The following GPBP1L1 variants were observed in gnomAD, a reference collection of about 807,000 sequenced individuals.
GPBP1L1 encodes the protein vasculin-like protein 1.
GPBP1L1 carries 23 observed loss-of-function variants against 52.5 expected under a neutral mutation model. The ratio of observed to expected loss-of-function variants is 0.44; its 90% CI spans 0.32 to 0.62. GPBP1L1 has a LOEUF of 0.62. Among genes scored for constraint, GPBP1L1 ranks in the 20% least tolerant of loss-of-function variants. The pLI, the probability that GPBP1L1 is intolerant of heterozygous loss-of-function variation, is 0.06. For synonymous variants in GPBP1L1, 243 were observed against 203.1 expected (o/e 1.20, Z -1.67); for missense variants, 596 against 579.3 (o/e 1.03, Z -0.30).
In GPBP1L1 at chr1:45,629,573, T is replaced by C. The variant is rs762034392; in HGVS notation, c.1272+3A>G. ...GTCTCTAGGAAGAAGGTTTACAACA[T>C]ACCTGCTCTGTCTTCATGTGGAACT... is the stretch of plus-strand genomic sequence containing the variant. On this transcript the variant is annotated splice_donor_region_variant and intron_variant, in intron 12 of 12. Coordinates refer to ENST00000355105, the MANE Select transcript of GPBP1L1 (RefSeq NM_021639.5). The C allele has an allele frequency of 6.4e-7, 1 of 1,551,406 alleles. No homozygotes were observed. Among genetic ancestry groups the C allele is most frequent in the Non-Finnish European group, 8.8e-7 (1 of 1,130,816 alleles).
chr1:45,663,466 T>C (rs894375387), intron 2 of GPBP1L1, among the ~76,000 whole-genome samples: 1 of 152,200 alleles, frequency 6.6e-6, no homozygotes, highest in African/African-American at 2.4e-5. Flanking sequence ...GCAGTGACTG[T>C]AGAAGAAATA....
In GPBP1L1 at chr1:45,627,712, A is replaced by T. The variant is rs746666226; in HGVS notation, c.*544T>A. 1 of 135,582 alleles carries T rather than the reference A, an allele frequency of 7.4e-6. No homozygotes were observed. Among genetic ancestry groups the T allele is most frequent in the Non-Finnish European group, 1.6e-5 (1 of 62,596 alleles). 8.4% of individuals were successfully genotyped at this position (135,582 alleles called of 1,614,324 possible). ...ATCCAAATATTTTACAGCTGTACCC[A>T]AAAAGGAAAAAGAAAAAAAAAACAA... is the stretch of plus-strand genomic sequence containing the variant. On this transcript the variant is annotated 3_prime_UTR_variant, in exon 13 of 13. Coordinates refer to ENST00000355105, the MANE Select transcript of GPBP1L1 (RefSeq NM_021639.5).
intron 2 of GPBP1L1, among the ~76,000 whole-genome samples, chr1:45,673,729 G>A (rs1427890689): frequency 6.6e-6 from 1 of 152,154 alleles, no homozygotes; most frequent in Non-Finnish European, 1.5e-5. Flanking sequence ...AGGCGTAATG[G>A]CACATGCCTG....
At chr1:45,651,244 G>T in intron 6 of GPBP1L1, 1 of 416,584 alleles carries the variant, frequency 2.4e-6, no homozygotes, top group Non-Finnish European at 4.7e-6. Context: ...AGGTCTTTCT[G>T]TGGAGTAGAC....
At chr1:45,642,339 A>T in intron 7 of GPBP1L1, 88 bp downstream of exon 7, 1 of 848,596 alleles carries the variant, frequency 1.2e-6, no homozygotes, top group Non-Finnish European at 2.0e-6. Flanking sequence ...GAGAAACAAG[A>T]GATAAAAAGA....
At chr1:45,663,208 C>T (rs1490409948) in intron 2 of GPBP1L1, among the ~76,000 whole-genome samples, 5 of 152,048 alleles carry the variant, frequency 3.3e-5, no homozygotes, top group Non-Finnish European at 5.9e-5. Context: ...CTGTCTGGTG[C>T]GTACTTTTTA....
chr1:45,630,929 T>C (rs1231132051), intron 10 of GPBP1L1, among the ~76,000 whole-genome samples: 6 of 151,658 alleles, frequency 4.0e-5, no homozygotes, highest in African/African-American at 9.7e-5. Context: ...ATAAGAGGTG[T>C]GGGGGGAAAA....
intron 6 of GPBP1L1, chr1:45,646,219 C>T (rs575197500): frequency 2.6e-5 from 7 of 266,724 alleles, no homozygotes; most frequent in South Asian, 1.8e-4. Flanking sequence ...GAAACAATGC[C>T]GGAAAGAGCA....
chr1:45,640,387 G>A lies in GPBP1L1; in HGVS notation c.567C>T (p.Ala189=), dbSNP rs781439758. ...TAACTAGCATCTTGGAGGGTTGCTT[G>A]GCACTAGGCGGGTTTTCTGTGAAGT... ...PSGVWENPPS[A]KQPSKMLVIK... is the part of the protein sequence containing the mutation. Residue 189 remains alanine (A), a synonymous_variant, in exon 8 of 13, where the codon GCC becomes GCT. Transcript: ENST00000355105. 6.8e-6 allele frequency: 11 copies of A among 1,613,576 alleles called. No homozygotes were observed. Among genetic ancestry groups the A allele is most frequent in the Non-Finnish European group, 9.3e-6 (11 of 1,179,950 alleles).
chr1:45,634,255 C>T lies in GPBP1L1; in HGVS notation c.745-19G>A. 1 of 1,591,976 alleles carries T rather than the reference C, an allele frequency of 6.3e-7. No homozygotes were observed. Among genetic ancestry groups the T allele is most frequent in the Non-Finnish European group, 8.6e-7 (1 of 1,166,744 alleles). On this transcript the variant is annotated intron_variant, in intron 8 of 12. Transcript: ENST00000355105. ...CATTAGGCTACACAGGGTGAAAGAA[C>T]AAATCAGTCAGAACAAGCACACAAA... is the stretch of plus-strand genomic sequence containing the variant.
intron 6 of GPBP1L1, among the ~76,000 whole-genome samples, chr1:45,648,408 G>A (rs1644778855): frequency 6.6e-6 from 1 of 152,082 alleles, no homozygotes; most frequent in Non-Finnish European, 1.5e-5. Flanking sequence ...CCTTATCCCA[G>A]AGCCCCTGTA....
intron 2 of GPBP1L1, among the ~76,000 whole-genome samples, chr1:45,684,365 T>C (rs1569905359): frequency 6.6e-6 from 1 of 151,816 alleles, no homozygotes; most frequent in East Asian, 1.9e-4. Context: ...ATCAGAGTTA[T>C]AGCCATAAAA....
intron 2 of GPBP1L1, among the ~76,000 whole-genome samples, 182 bp from the exon 3 acceptor site, chr1:45,661,407 T>C (rs1644945626): frequency 6.6e-6 from 1 of 152,104 alleles, no homozygotes; most frequent in South Asian, 2.1e-4. Flanking sequence ...ATGACTTGGA[T>C]ATAAATCTTT....
Position 45,634,224 on chromosome 1 carries a change from T to C in GPBP1L1, c.757A>G (p.Lys253Glu), listed in dbSNP as rs758272908. The C allele has an allele frequency of 1.9e-6, 3 of 1,612,834 alleles. No homozygotes were observed. Among genetic ancestry groups the C allele is most frequent in the Non-Finnish European group, 2.5e-6 (3 of 1,179,278 alleles). The part of the protein sequence containing the change: ...VPPPSKPNAW[K>E]ANRMEHKSGS... Reference sequence around the variant, plus strand: ...GACTTGTGCTCCATCCTGTTAGCTTTCCATGCATTAGGCTACACAGGGTGA... The same window carrying C: ...GACTTGTGCTCCATCCTGTTAGCTTCCCATGCATTAGGCTACACAGGGTGA... The change falls in exon 9 of 13, where the codon AAA (lysine) becomes GAA (glutamate). Residue 253 changes from lysine (K) to glutamate (E), a missense_variant. Lys to Glu is a moderately conservative substitution (Grantham distance 56). Coordinates refer to ENST00000355105, the MANE Select transcript of GPBP1L1 (RefSeq NM_021639.5).
intron 2 of GPBP1L1, among the ~76,000 whole-genome samples, chr1:45,665,535 G>A (rs1326515443): frequency 6.6e-6 from 1 of 152,020 alleles, no homozygotes; most frequent in East Asian, 1.9e-4. Flanking sequence ...CGGATCACAA[G>A]TTCGAGACCA....
intron 2 of GPBP1L1, among the ~76,000 whole-genome samples, chr1:45,684,701 A>T (rs1276101769): frequency 6.6e-6 from 1 of 151,970 alleles, no homozygotes; most frequent in African/African-American, 2.4e-5. Context: ...TCAATATCTC[A>T]CTCCAGTTTA....
rs559828975 is a variant in GPBP1L1 at position 45,663,437 on chromosome 1, T to C, written c.-1097-2212A>G. Among the ~76,000 whole-genome samples the C allele has an allele frequency of 1.3e-4, 20 of 152,356 alleles. No individual in the cohort carries two copies. The South Asian group carries it at 3.3e-3, about 25-fold the overall frequency. On this transcript the variant is annotated intron_variant, in intron 2 of 12. Transcript: ENST00000355105. ...TTACATACCGAATCCAAAGTTTCTA[T>C]AGCAGAGTCCCAACTTAGGCAGTGA...
At chr1:45,652,772 A>G (rs1270991902) in intron 6 of GPBP1L1, among the ~76,000 whole-genome samples, 1 of 151,864 alleles carries the variant, frequency 6.6e-6, no homozygotes, top group Non-Finnish European at 1.5e-5. Context: ...CCTCCCAAGT[A>G]GCTGGGGCTA....
At chr1:45,683,591 T>G (rs1645239478) in intron 2 of GPBP1L1, among the ~76,000 whole-genome samples, 1 of 149,848 alleles carries the variant, frequency 6.7e-6, no homozygotes, top group African/African-American at 2.4e-5. Flanking sequence ...AGTATCTACT[T>G]AGACCTGGCG....
Sources: gnomAD v4.1 joint callset for allele counts (sites outside exome capture counted in the v4.1 genomes callset) on GRCh38, gnomAD v4.1.1 for gene constraint, MANE v1.5 for transcripts, NCBI Gene and HGNC (gene_info 2026-07-23, HGNC 2026-07-21) for gene names.